ADAMTS2: variants seen among roughly 807,000 people sequenced by gnomAD.
ADAMTS2 encodes ADAM metallopeptidase with thrombospondin type 1 motif 2, also known as A disintegrin and metalloproteinase with thrombospondin motifs 2.
A neutral mutation model predicts 123.0 loss-of-function variants in ADAMTS2; 50 were observed. The observed-to-expected ratio is 0.41, with a 90% CI of 0.32 to 0.51. The LOEUF is 0.51. ADAMTS2 is among the 20% of genes least tolerant of loss of function. The pLI, the probability that ADAMTS2 is intolerant of heterozygous loss-of-function variation, is 0.35. For missense variants in ADAMTS2, 1,494 were observed against 1,705.2 expected (o/e 0.88, Z 2.18); for synonymous variants, 678 against 695.4 (o/e 0.98, Z 0.39).
chr5:179,113,317 C>T lies in ADAMTS2; in HGVS notation c.*550G>A, dbSNP rs753995152. 11 of 166,336 alleles carry T rather than the reference C, an allele frequency of 6.6e-5. No individual in the cohort carries two copies. In the East Asian group the frequency reaches 8.0e-4, roughly 12 times the overall value. The allele number at this position is 166,336 out of a possible 1,614,324, so 10.3% of individuals were successfully genotyped here. A position where few individuals can be genotyped will look rare whatever the true frequency, so the allele number is the denominator to read the frequency against. On this transcript the variant is annotated 3_prime_UTR_variant, in exon 22 of 22. Coordinates refer to ENST00000251582, the MANE Select transcript of ADAMTS2 (RefSeq NM_014244.5). ...CTCCAGGTGGGTGTGGCTGTCAGGG[C>T]GGCCATGGTCCCCAGCGGGCCACTA...
intron 2 of ADAMTS2, among the ~76,000 whole-genome samples, chr5:179,342,786 G>A (rs945110478): frequency 3.3e-5 from 5 of 152,292 alleles, no homozygotes; most frequent in African/African-American, 9.6e-5. Flanking sequence ...GCCAGGCCCC[G>A]GGCAGCCGGA....
chr5:179,191,704 G>A (rs57740749), intron 4 of ADAMTS2, among the ~76,000 whole-genome samples: 81 of 152,232 alleles, frequency 5.3e-4, no homozygotes, highest in African/African-American at 1.7e-3. Context: ...CGCTGCCCCC[G>A]CCTTAGGGTG....
At chr5:179,302,967 G>A (rs1430426082) in intron 2 of ADAMTS2, among the ~76,000 whole-genome samples, 1 of 142,016 alleles carries the variant, frequency 7.0e-6, no homozygotes, top group Non-Finnish European at 1.6e-5. Flanking sequence ...GGTGGGCCTG[G>A]GTGGGGTACA....
chr5:179,163,798 C>T (rs1157982191), intron 5 of ADAMTS2, among the ~76,000 whole-genome samples: 3 of 152,232 alleles, frequency 2.0e-5, no homozygotes, highest in Non-Finnish European at 2.9e-5. Context: ...TCCAAGAAGG[C>T]AGCCTGCCAC....
intron 4 of ADAMTS2, among the ~76,000 whole-genome samples, chr5:179,200,022 T>G (rs552888245): frequency 6.6e-6 from 1 of 152,192 alleles, no homozygotes; most frequent in Admixed American, 6.5e-5. Flanking sequence ...AATAGTCCCT[T>G]TGTATGGCAC....
rs1275015104 is a variant in ADAMTS2, at chr5:179,162,715, T to C, written c.976-3836A>G. Among the ~76,000 whole-genome samples, 2 of 152,238 alleles carry C rather than the reference T, an allele frequency of 1.3e-5. No homozygotes were observed. The highest frequency in any genetic ancestry group is 2.9e-5 in the Non-Finnish European group (2 of 68,036). ...TCCCGCCTACCGCAGGGCATGGACA[T>C]TAAGAGACTGGGTCACTGGCGGCCA... On this transcript the variant is annotated intron_variant, in intron 5 of 21. Coordinates refer to ENST00000251582, the MANE Select transcript of ADAMTS2 (RefSeq NM_014244.5). This position sits in a 1 kb window ranked among gnomAD's most constrained non-coding sequence, Gnocchi z 5.1.
intron 2 of ADAMTS2, among the ~76,000 whole-genome samples, chr5:179,296,691 C>T (rs1416191363): frequency 6.6e-6 from 1 of 152,054 alleles, no homozygotes; most frequent in Non-Finnish European, 1.5e-5. Context: ...AGGCGGCGGG[C>T]AGAGAGAGGC....
At chr5:179,253,893 T>C (rs1765986155) in intron 3 of ADAMTS2, among the ~76,000 whole-genome samples, 1 of 152,168 alleles carries the variant, frequency 6.6e-6, no homozygotes, top group Non-Finnish European at 1.5e-5. Flanking sequence ...CTCATGGGCC[T>C]TTCTCTCTGG....
chr5:179,274,458 C>T (rs1766636348), intron 2 of ADAMTS2, among the ~76,000 whole-genome samples: 1 of 152,262 alleles, frequency 6.6e-6, no homozygotes, highest in Non-Finnish European at 1.5e-5. Flanking sequence ...CTGGCGCTGG[C>T]CGGGGTCCCC....
At chr5:179,207,828 G>A (rs1764742193) in intron 3 of ADAMTS2, 113 bp from the exon 4 acceptor site, 2 of 930,478 alleles carry the variant, frequency 2.1e-6, no homozygotes, top group Non-Finnish European at 3.4e-6. Flanking sequence ...CCTGAACCGA[G>A]GGTATTATTC....
chr5:179,251,460 AGAT>A (rs1001708037), intron 3 of ADAMTS2, among the ~76,000 whole-genome samples: 3 of 152,172 alleles, frequency 2.0e-5, no homozygotes, highest in African/African-American at 7.2e-5. Context: ...AGGGGTCTGC[AGAT>A]GAGAGTCAGA....
At chr5:179,168,249 A>G (rs980963553) in intron 5 of ADAMTS2, among the ~76,000 whole-genome samples, 2 of 152,178 alleles carry the variant, frequency 1.3e-5, no homozygotes, top group African/African-American at 4.8e-5. Context: ...CTCTCCAGAC[A>G]CTGCCAAATG....
intron 2 of ADAMTS2, 95 bp from the exon 3 acceptor site, chr5:179,273,159 T>C: frequency 1.3e-6 from 2 of 1,565,230 alleles, no homozygotes; most frequent in South Asian, 1.1e-5. Flanking sequence ...ACCTCCCACC[T>C]GAAGACCCTG....
At chr5:179,229,714 T>G (rs1765366238) in intron 3 of ADAMTS2, among the ~76,000 whole-genome samples, 1 of 152,180 alleles carries the variant, frequency 6.6e-6, no homozygotes, top group Non-Finnish European at 1.5e-5. Flanking sequence ...TCCAAAGATA[T>G]CCCCAGGCAG....
chr5:179,128,207 C>T lies in ADAMTS2; in HGVS notation c.2458-89G>A, dbSNP rs1400205173. 6.6e-7 allele frequency: 1 copy of T among 1,514,058 alleles called. No homozygotes were observed. The highest frequency in any genetic ancestry group is 9.0e-7 in the Non-Finnish European group (1 of 1,107,828). 93.8% of individuals were successfully genotyped at this position (1,514,058 alleles called of 1,614,324 possible). A position where few individuals can be genotyped will look rare whatever the true frequency, so the allele number is the denominator to read the frequency against. ...TAGGAACGGCAGCTGAGGCCGACTC[C>T]AGAGGAGTCTCATCATTCATGGCAG... On this transcript the variant is annotated intron_variant, in intron 16 of 21. Coordinates refer to ENST00000251582, the MANE Select transcript of ADAMTS2 (RefSeq NM_014244.5). The surrounding 1 kb of genome is among the most constrained non-coding windows in gnomAD (Gnocchi z 4.9).
At chr5:179,183,935 C>T (rs1764107078) in intron 4 of ADAMTS2, among the ~76,000 whole-genome samples, 1 of 152,154 alleles carries the variant, frequency 6.6e-6, no homozygotes, top group South Asian at 2.1e-4. Flanking sequence ...CGTGGGAGGA[C>T]CCAGCAAGAA....
At chr5:179,220,268 C>T (rs1291488497) in intron 3 of ADAMTS2, among the ~76,000 whole-genome samples, 4 of 152,178 alleles carry the variant, frequency 2.6e-5, no homozygotes, top group Admixed American at 6.5e-5. Context: ...GTGTTCTGAA[C>T]GCAGAGGAGG....
intron 2 of ADAMTS2, among the ~76,000 whole-genome samples, chr5:179,316,540 C>T (rs1011730761): frequency 2.0e-5 from 3 of 152,218 alleles, no homozygotes; most frequent in Non-Finnish European, 4.4e-5. Context: ...TTGAGACCTT[C>T]CTGCTGTGTC....
chr5:179,141,596 G>A (rs1435512136), intron 10 of ADAMTS2, among the ~76,000 whole-genome samples: 2 of 151,726 alleles, frequency 1.3e-5, no homozygotes, highest in Admixed American at 1.3e-4. Flanking sequence ...ATTAAATCTT[G>A]GTAAGAAAAG....
Sources: allele counts gnomAD v4.1 joint callset (sites outside exome capture counted in the v4.1 genomes callset), GRCh38; gene constraint gnomAD v4.1.1; non-coding constraint Gnocchi (gnomAD v3.1); transcripts MANE v1.5; gene names NCBI Gene and HGNC (gene_info 2026-07-23, HGNC 2026-07-21).